The following GRIA1 variants were observed in gnomAD, a reference collection of about 807,000 sequenced individuals.
GRIA1 encodes the protein glutamate ionotropic receptor AMPA type subunit 1.
A neutral mutation model predicts 99.2 loss-of-function variants in GRIA1; 31 were observed. The ratio of observed to expected loss-of-function variants is 0.31; its 90% confidence interval spans 0.23 to 0.42. GRIA1 has a LOEUF of 0.42. Ranked by LOEUF, GRIA1 falls within the 10% of genes least tolerant of loss-of-function variation. The pLI is 1.00. For missense variants in GRIA1, 782 were observed against 1,157.5 expected, an observed-to-expected ratio of 0.68 and a Z score of 4.71; for synonymous variants, 438 against 432.4, an observed-to-expected ratio of 1.01 and a Z score of -0.16.
intron 13 of GRIA1, among the ~76,000 whole-genome samples, chr5:153,786,157 T>C (rs1476659184): frequency 4.0e-5 from 6 of 151,810 alleles, no homozygotes; most frequent in Non-Finnish European, 5.9e-5. Context: ...GAGCTTCTGG[T>C]CTGAGGCCTC....
chr5:153,513,174 A>G (rs551753359), intron 2 of GRIA1, among the ~76,000 whole-genome samples: 1 of 152,286 alleles, frequency 6.6e-6, no homozygotes, highest in Admixed American at 6.5e-5. Flanking sequence ...TGTTTCTTCC[A>G]TGAAAAATGA....
chr5:153,624,364 T>C (rs1424991392), intron 2 of GRIA1, among the ~76,000 whole-genome samples: 1 of 152,048 alleles, frequency 6.6e-6, no homozygotes, highest in Non-Finnish European at 1.5e-5. Context: ...TGACTTTGAG[T>C]ATATGGGCCT....
intron 2 of GRIA1, among the ~76,000 whole-genome samples, chr5:153,607,065 A>ATATATATG (rs1349350277): frequency 2.0e-5 from 3 of 147,400 alleles, no homozygotes; most frequent in African/African-American, 7.4e-5. Context: ...ATATATATAT[A>ATATATATG]TATAATCACA....
At position 153,813,127 on chromosome 5, in the gene GRIA1, T is replaced by A. The variant is rs1036233898; in HGVS notation, c.*1902T>A. On this transcript the variant is annotated 3_prime_UTR_variant, in exon 16 of 16. Coordinates refer to ENST00000285900, the MANE Select transcript of GRIA1 (RefSeq NM_000827.4). ...AAACTCTTCACTTTTTTGACTCAAGTGTTGTTGTTCAGTCTCTCGCGTGTC... is the reference window on the plus strand; with the variant it reads ...AAACTCTTCACTTTTTTGACTCAAGAGTTGTTGTTCAGTCTCTCGCGTGTC... The A allele has an allele frequency of 2.6e-5, 4 of 152,166 alleles. No homozygotes were observed. Among genetic ancestry groups the A allele is most frequent in the Non-Finnish European group, 5.9e-5 (4 of 68,038 alleles). The allele number at this position is 152,166 out of a possible 1,614,324, so 9.4% of individuals were successfully genotyped here.
chr5:153,630,179 G>C (rs1297542965), intron 2 of GRIA1, among the ~76,000 whole-genome samples: 1 of 152,148 alleles, frequency 6.6e-6, no homozygotes, highest in Non-Finnish European at 1.5e-5. Flanking sequence ...AAAATGTGTA[G>C]TCTATTTTCT....
intron 2 of GRIA1, among the ~76,000 whole-genome samples, chr5:153,516,505 C>T (rs1006041809): frequency 4.6e-5 from 7 of 151,914 alleles, no homozygotes; most frequent in Admixed American, 2.0e-4. Context: ...CTAAAAACAC[C>T]ACACAGCATT....
intron 11 of GRIA1, among the ~76,000 whole-genome samples, chr5:153,743,539 A>G (rs1316021179): frequency 6.6e-6 from 1 of 152,196 alleles, no homozygotes; most frequent in Non-Finnish European, 1.5e-5. Context: ...GACCACTCTC[A>G]GTTTCTTGAG....
intron 13 of GRIA1, among the ~76,000 whole-genome samples, chr5:153,777,465 A>G (rs1764330357): frequency 1.3e-5 from 2 of 152,166 alleles, no homozygotes; most frequent in Admixed American, 6.5e-5. Flanking sequence ...CTGTCTTCTT[A>G]TCTGAAAAAT....
At chr5:153,670,361 G>A (rs1164130118) in intron 5 of GRIA1, among the ~76,000 whole-genome samples, 1 of 152,032 alleles carries the variant, frequency 6.6e-6, no homozygotes, top group African/African-American at 2.4e-5. Context: ...AAGGAGAGTG[G>A]GTTTAGACCT....
intron 14 of GRIA1, among the ~76,000 whole-genome samples, chr5:153,798,265 C>G (rs546694828): frequency 2.0e-4 from 31 of 152,302 alleles, no homozygotes; most frequent in African/African-American, 7.0e-4. Context: ...AACCACTCAG[C>G]CTTCACTCCC....
At chr5:153,789,367 A>T (rs1412414488) in intron 13 of GRIA1, among the ~76,000 whole-genome samples, 2 of 150,600 alleles carry the variant, frequency 1.3e-5, no homozygotes, top group Admixed American at 1.3e-4. Context: ...ATAAATATAT[A>T]TGTTGTGTAT....
At chr5:153,619,634 A>G (rs1465804029) in intron 2 of GRIA1, among the ~76,000 whole-genome samples, 1 of 152,188 alleles carries the variant, frequency 6.6e-6, no homozygotes, top group Non-Finnish European at 1.5e-5. Flanking sequence ...CATTTATTTA[A>G]AATGGAAAAG....
chr5:153,630,209 T>C (rs970782589), intron 2 of GRIA1, among the ~76,000 whole-genome samples: 1 of 152,198 alleles, frequency 6.6e-6, no homozygotes, highest in African/African-American at 2.4e-5. Flanking sequence ...GTGCTCAGTA[T>C]ATGCAAGCAC....
At position 153,599,283 on chromosome 5, in the gene GRIA1, C is replaced by T. The variant is rs17114868; in HGVS notation, c.221-47645C>T. On this transcript the variant is annotated intron_variant, in intron 2 of 15. Coordinates refer to ENST00000285900, the MANE Select transcript of GRIA1 (RefSeq NM_000827.4). ...TATTACCTCAACTAGATTATTTTGT[C>T]CAGAAAGTTTACTGAGCATCTTCTA... is the stretch of plus-strand genomic sequence containing the variant. Among the ~76,000 whole-genome samples, 493 of 152,228 alleles carry T rather than the reference C, an allele frequency of 3.2e-3. 19 individuals carry two copies. The East Asian group carries it at 0.079, about 24-fold the overall frequency.
rs1402085082 is a variant in GRIA1 at position 153,524,673 on chromosome 5, AC to A, written c.220+30609del. On this transcript the variant is annotated intron_variant, in intron 2 of 15. Transcript: ENST00000285900. ...TAGGTTTGAAAGTGAAGCTGGTCAC[AC>A]TTTTTTACAGTAGGCTTCTCTAATA... Among the ~76,000 whole-genome samples the A allele has an allele frequency of 1.7e-4, 26 of 152,358 alleles. 1 individual carries two copies. The Middle Eastern group carries it at 0.031, about 179-fold the overall frequency.
intron 2 of GRIA1, among the ~76,000 whole-genome samples, chr5:153,609,755 G>T (rs960643372): frequency 6.6e-5 from 10 of 151,742 alleles, no homozygotes; most frequent in African/African-American, 2.4e-4. Flanking sequence ...TAGAGACGAG[G>T]TTTCACCATG....
At chr5:153,662,277 A>AT (rs1417894473) in intron 5 of GRIA1, among the ~76,000 whole-genome samples, 4 of 152,190 alleles carry the variant, frequency 2.6e-5, no homozygotes, top group African/African-American at 9.7e-5. Flanking sequence ...CGTATGCCTG[A>AT]TACTGCACTG....
chr5:153,632,073 G>T (rs1299934950), intron 2 of GRIA1, among the ~76,000 whole-genome samples: 2 of 152,174 alleles, frequency 1.3e-5, no homozygotes, highest in Non-Finnish European at 2.9e-5. Flanking sequence ...AGCATGAGGG[G>T]CTTGAGGGGA....
intron 2 of GRIA1, among the ~76,000 whole-genome samples, chr5:153,637,464 G>T (rs191642690): frequency 6.6e-6 from 1 of 152,146 alleles, no homozygotes; most frequent in African/African-American, 2.4e-5. Context: ...CAGCATACAC[G>T]TTGAGTCACT....
Sources: allele counts gnomAD v4.1 joint callset (sites outside exome capture counted in the v4.1 genomes callset), GRCh38; gene constraint gnomAD v4.1.1; transcripts MANE v1.5; gene names NCBI Gene and HGNC (gene_info 2026-07-23, HGNC 2026-07-21).